SIRT1: variants seen among roughly 807,000 people sequenced by gnomAD.
The protein encoded by SIRT1 is NAD-dependent protein deacetylase sirtuin-1.
SIRT1 carries 24 observed loss-of-function variants against 67.9 expected under a neutral mutation model. That is an observed-to-expected ratio of 0.35 (90% CI 0.26 to 0.50). The LOEUF (loss-of-function observed/expected upper bound fraction) is 0.50, where lower values mean the gene tolerates loss of function less well. SIRT1 is among the 20% of genes least tolerant of loss of function. The probability of loss-of-function intolerance (pLI) is 0.98; values close to 1 mark genes in which losing one functional copy is unlikely to be tolerated. For missense variants in SIRT1, 873 were observed against 937.2 expected (o/e 0.93, Z 0.89); for synonymous variants, 378 against 350.7 (o/e 1.08, Z -0.87).
chr10:67,888,607 T>C (rs1165736085), intron 2 of SIRT1, among the ~76,000 whole-genome samples: 1 of 152,212 alleles, frequency 6.6e-6, no homozygotes, highest in Non-Finnish European at 1.5e-5. Flanking sequence ...TTTCTAGATA[T>C]TAACCATAAG....
In SIRT1 at chr10:67,900,703, C is replaced by G. The variant is rs1342714264; in HGVS notation, c.943-6087C>G. On this transcript the variant is annotated intron_variant, in intron 4 of 8. Coordinates refer to ENST00000212015, the MANE Select transcript of SIRT1 (RefSeq NM_012238.5). ...GAGTGATTCTGCTGCCTCAGCTACTCAAAGTGCTGGGATTGTAGGCGTTAA... is the reference window on the plus strand; with the variant it reads ...GAGTGATTCTGCTGCCTCAGCTACTGAAAGTGCTGGGATTGTAGGCGTTAA... 3.9e-5 allele frequency among the ~76,000 whole-genome samples: 6 copies of G among 152,108 alleles called. 1 individual carries two copies. Among genetic ancestry groups the G allele is most frequent in the Admixed American group, 3.9e-4 (6 of 15,260 alleles).
At chr10:67,907,856 C>T (rs187640407) in intron 5 of SIRT1, among the ~76,000 whole-genome samples, 190 bp from the exon 6 acceptor site, 6 of 152,140 alleles carry the variant, frequency 3.9e-5, no homozygotes, top group Admixed American at 1.3e-4. Flanking sequence ...ATTCTTCATC[C>T]CCTAGATTCT....
intron 2 of SIRT1, among the ~76,000 whole-genome samples, chr10:67,888,680 C>T (rs1164260286): frequency 1.3e-5 from 2 of 152,136 alleles, no homozygotes; most frequent in Non-Finnish European, 2.9e-5. Flanking sequence ...TGAAGGGGGT[C>T]TTCCCAACTC....
In SIRT1 at chr10:67,912,770, A is replaced by G. The variant is rs1446102743; in HGVS notation, c.1654A>G (p.Ile552Val). Residue 552 changes from isoleucine to valine, a missense_variant, in exon 8 of 9, where the codon ATT (isoleucine) becomes GTT (valine). Ile to Val is a conservative substitution (Grantham distance 29). Around this residue, in one of 3 missense-constraint regions of SIRT1, gnomAD observed 295 missense variants for 294.5 expected, o/e 1.00. Coordinates refer to ENST00000212015, the MANE Select transcript of SIRT1 (RefSeq NM_012238.5). ...AACTTCACCACCAGATTCTTCAGTG[A>G]TTGTCACACTTTTAGACCAAGCAGC... ...ERTSPPDSSV[I>V]VTLLDQAAKS... The G allele has an allele frequency of 6.2e-7, 1 of 1,614,136 alleles. No homozygotes were observed.
rs189352402 is a variant in SIRT1 at position 67,913,297 on chromosome 10, C to T, written c.1915+266C>T. ...GGTTATTAGCTGGCAGAAATGATGA[C>T]AGATTTGAGTGCTTACTGTAGGTCA... On this transcript the variant is annotated intron_variant, in intron 8 of 8. Coordinates refer to ENST00000212015, the MANE Select transcript of SIRT1 (RefSeq NM_012238.5). Among the ~76,000 whole-genome samples, 84 of 152,172 alleles carry T rather than the reference C, an allele frequency of 5.5e-4. 1 individual carries two copies. Among genetic ancestry groups the T allele is most frequent in the African/African-American group, 2.0e-3 (82 of 41,530 alleles).
intron 4 of SIRT1, among the ~76,000 whole-genome samples, chr10:67,903,257 G>A (rs1241843927): frequency 6.6e-6 from 1 of 152,092 alleles, no homozygotes; most frequent in Non-Finnish European, 1.5e-5. Flanking sequence ...ACCATGCCCA[G>A]CTTTCTTAGT....
At chr10:67,885,322 C>T in intron 1 of SIRT1, 171 bp downstream of exon 1, 2 of 1,239,738 alleles carry the variant, frequency 1.6e-6, no homozygotes, top group South Asian at 3.7e-5. Context: ...GTTCCTACTG[C>T]GCGAGCTGCC....
Position 67,887,536 on chromosome 10 carries a change from A to G in SIRT1, c.547+3A>G, listed in dbSNP as rs1564882530. 1 of 1,572,376 alleles carries G rather than the reference A, an allele frequency of 6.4e-7. No homozygotes were observed. Among genetic ancestry groups the G allele is most frequent in the Non-Finnish European group, 8.8e-7 (1 of 1,142,338 alleles). ...CTGGACTCCAAGGCCACGGATAGGT[A>G]TGGCTCAGAGCTGTTAATTTTAGAG... On this transcript the variant is annotated splice_donor_region_variant and intron_variant, in intron 2 of 8. Coordinates refer to ENST00000212015, the MANE Select transcript of SIRT1 (RefSeq NM_012238.5).
chr10:67,886,720 A>G (rs537526587), intron 1 of SIRT1, among the ~76,000 whole-genome samples: 2 of 152,118 alleles, frequency 1.3e-5, no homozygotes, highest in Non-Finnish European at 2.9e-5. Context: ...AGGTACTTGT[A>G]GTATTGTGTA....
chr10:67,909,541 T>G, intron 7 of SIRT1, 99 bp downstream of exon 7: 4 of 1,016,860 alleles, frequency 3.9e-6, no homozygotes, highest in Non-Finnish European at 5.5e-6. Flanking sequence ...TGCTTCTGTT[T>G]GAAAGAGTGG....
At position 67,916,438 on chromosome 10, in the gene SIRT1, G is replaced by C. The variant is rs1225337110; in HGVS notation, c.2089G>C (p.Glu697Gln). The C allele has an allele frequency of 6.2e-7, 1 of 1,614,178 alleles. No homozygotes were observed. The change falls in exon 9 of 9, where the codon GAA becomes CAA. Residue 697 changes from glutamate (E) to glutamine (Q), a missense_variant. By Grantham distance (29) the Glu-to-Gln change is conservative. Transcript: ENST00000212015. ...EPMEDESEIE[E>Q]FYNGLEDEPD... is the part of the protein sequence containing the mutation. ...CATGGAGGATGAAAGTGAAATTGAA[G>C]AATTCTACAATGGCTTAGAAGATGA...
chr10:67,886,555 C>CAAAA (rs34780303), intron 1 of SIRT1, among the ~76,000 whole-genome samples: 7 of 97,912 alleles, frequency 7.1e-5, no homozygotes, highest in African/African-American at 2.3e-4. Context: ...GACCCCGTCT[C>CAAAA]AAAAAAAAAA....
Position 67,884,891 on chromosome 10 carries a change from A to G in SIRT1, c.170A>G (p.Glu57Gly). 3.3e-6 allele frequency: 4 copies of G among 1,217,280 alleles called. No individual in the cohort carries two copies. The highest frequency in any genetic ancestry group is 3.1e-6 in the Non-Finnish European group (3 of 979,320). 75.4% of individuals were successfully genotyped at this position (1,217,280 alleles called of 1,614,324 possible). ...GGCGAGCCCGGTGGGGCGGCCCCAG[A>G]GCGTGAGGTGCCGGCGGCGGCCAGG... ...SPGEPGGAAP[E>G]REVPAAARGC... Residue 57 changes from glutamate (E) to glycine (G), a missense_variant, in exon 1 of 9, where the codon GAG (glutamate) becomes GGG (glycine). By Grantham distance (98) the Glu-to-Gly change is moderately conservative (BLOSUM62 -2). Transcript: ENST00000212015.
At position 67,912,656 on chromosome 10, in the gene SIRT1, C is replaced by T; in HGVS notation, c.1540C>T (p.Pro514Ser). The part of the protein sequence containing the change: ...PVKLSEITEK[P>S]PRTQKELAYL... ...AAAGCTTTCAGAAATTACTGAAAAA[C>T]CTCCACGAACACAAAAAGAATTGGC... The change falls in exon 8 of 9, where the codon CCT becomes TCT. Residue 514 changes from proline (P) to serine (S), a missense_variant. Pro to Ser is a moderately conservative substitution (Grantham distance 74). Coordinates refer to ENST00000212015, the MANE Select transcript of SIRT1 (RefSeq NM_012238.5). 1 of 1,614,084 alleles carries T rather than the reference C, an allele frequency of 6.2e-7. No homozygotes were observed. The highest frequency in any genetic ancestry group is 8.5e-7 in the Non-Finnish European group (1 of 1,180,020).
chr10:67,910,786 T>G (rs569383147), intron 7 of SIRT1, among the ~76,000 whole-genome samples: 2 of 152,232 alleles, frequency 1.3e-5, no homozygotes, highest in Non-Finnish European at 2.9e-5. Context: ...AAAATTTCTT[T>G]GTCATATATA....
At chr10:67,885,873 A>G (rs1057276045) in intron 1 of SIRT1, among the ~76,000 whole-genome samples, 1 of 151,284 alleles carries the variant, frequency 6.6e-6, no homozygotes, top group Non-Finnish European at 1.5e-5. Flanking sequence ...TGTAGTATTG[A>G]GACACAAACT....
At chr10:67,907,231 A>T (rs1842833019) in intron 5 of SIRT1, among the ~76,000 whole-genome samples, 1 of 152,196 alleles carries the variant, frequency 6.6e-6, no homozygotes, top group South Asian at 2.1e-4. Context: ...GCAGTGGCTC[A>T]CGCCTGTAAT....
intron 4 of SIRT1, among the ~76,000 whole-genome samples, chr10:67,900,076 TC>T (rs1842718291): frequency 6.6e-6 from 1 of 152,146 alleles, no homozygotes; most frequent in Non-Finnish European, 1.5e-5. Context: ...AGAGCGAGAC[TC>T]TATCTCAAAA....
At chr10:67,887,823 G>A (rs187252268) in intron 2 of SIRT1, among the ~76,000 whole-genome samples, 52 of 152,306 alleles carry the variant, frequency 3.4e-4, no homozygotes, top group African/African-American at 1.2e-3. Context: ...TGATCCGTCC[G>A]CCTGGGCCTC....
Sources: allele counts gnomAD v4.1 joint callset (sites outside exome capture counted in the v4.1 genomes callset), GRCh38; gene constraint gnomAD v4.1.1; regional missense constraint gnomAD v4.1.1; transcripts MANE v1.5; gene names NCBI Gene and HGNC (gene_info 2026-07-23, HGNC 2026-07-21).